The following MPDZ variants were observed in gnomAD, a reference collection of about 807,000 sequenced individuals.
MPDZ encodes the protein multiple PDZ domain crumbs cell polarity complex component, also known as multiple PDZ domain protein.
In MPDZ, 234 loss-of-function variants were observed where a neutral mutation model predicts 239.1. That is an observed-to-expected ratio of 0.98 (90% CI 0.88 to 1.09). The LOEUF (loss-of-function observed/expected upper bound fraction) is 1.09. MPDZ is among the 50% of genes least tolerant of loss of function. The pLI is 0.00. For synonymous variants in MPDZ, 1,048 were observed against 881.3 expected (o/e 1.19, Z -3.35); for missense variants, 3,175 against 2,510.0 (o/e 1.26, Z -5.66).
At chr9:13,192,061 T>G (rs1406741157) in intron 15 of MPDZ, 70 bp downstream of exon 15, 1 of 1,302,374 alleles carries the variant, frequency 7.7e-7, no homozygotes, top group African/African-American at 1.5e-5. Context: ...GAAAAATGCT[T>G]AAAAAATTTT....
At chr9:13,193,424 G>C in intron 13 of MPDZ, 111 bp from the exon 14 acceptor site, 1 of 1,223,928 alleles carries the variant, frequency 8.2e-7, no homozygotes, top group African/African-American at 1.5e-5. Context: ...TTCTCACAAA[G>C]CTTCAAAAAC....
intron 3 of MPDZ, among the ~76,000 whole-genome samples, chr9:13,228,783 A>G (rs1352121607): frequency 6.6e-6 from 1 of 152,168 alleles, no homozygotes; most frequent in Non-Finnish European, 1.5e-5. Context: ...TCACCTATAT[A>G]GTTTATCAAA....
At chr9:13,138,342 G>C (rs1947147574) in intron 28 of MPDZ, among the ~76,000 whole-genome samples, 189 bp from the exon 29 acceptor site, 2 of 152,158 alleles carry the variant, frequency 1.3e-5, no homozygotes, top group Admixed American at 6.5e-5. Context: ...CCCAAACTTT[G>C]AGGAATTTCT....
Position 13,219,595 on chromosome 9 carries a change from G to T in MPDZ, c.1050C>A (p.Thr350=), listed in dbSNP as rs376310061. 3.7e-6 allele frequency: 6 copies of T among 1,612,200 alleles called. No individual in the cohort carries two copies. Among genetic ancestry groups the T allele is most frequent in the Non-Finnish European group, 5.1e-6 (6 of 1,179,000 alleles). The change falls in exon 8 of 47, where the codon ACC becomes ACA. Residue 350 remains threonine, a synonymous_variant. Coordinates refer to ENST00000319217, the MANE Select transcript of MPDZ (RefSeq NM_001378778.1). ...ERTAPTALGI[T]LSSSPTSTPE... is the part of the protein sequence containing the mutation. The stretch of plus-strand genomic sequence containing the variant: ...GTGTTGAAGTTGGGGATGAGGAGAG[G>T]GTGATGCCCAAAGCAGTGGGTGCTG...
At chr9:13,224,621 T>C in intron 3 of MPDZ, 38 bp from the exon 4 acceptor site, 5 of 1,347,974 alleles carry the variant, frequency 3.7e-6, no homozygotes, top group Non-Finnish European at 5.2e-6. Context: ...ATTTTGACAT[T>C]CCATAAACTA....
chr9:13,214,568 G>T (rs570135857), intron 10 of MPDZ, among the ~76,000 whole-genome samples: 1 of 152,074 alleles, frequency 6.6e-6, no homozygotes, highest in East Asian at 1.9e-4. Flanking sequence ...GAATTGTATG[G>T]TATGTGAATT....
intron 32 of MPDZ, among the ~76,000 whole-genome samples, chr9:13,129,140 A>C (rs757814253): frequency 2.0e-5 from 3 of 152,204 alleles, no homozygotes; most frequent in Admixed American, 6.5e-5. Context: ...AACTATATAC[A>C]CATCAACAAA....
At chr9:13,242,661 T>A (rs1464264067) in intron 3 of MPDZ, among the ~76,000 whole-genome samples, 3 of 151,390 alleles carry the variant, frequency 2.0e-5, no homozygotes, top group Non-Finnish European at 4.4e-5. Context: ...AAATAAAACA[T>A]CTTACTTAAA....
Position 13,275,119 on chromosome 9 carries a change from G to C in MPDZ, c.-58+4281C>G, listed in dbSNP as rs192600407. On this transcript the variant is annotated intron_variant, in intron 1 of 46. Transcript: ENST00000319217. Reference sequence around the variant, plus strand: ...CAGACTATGCACTAGCCTCCAATACGAGCTCACTGCCTCAGAGTCTCACTA... The same window carrying C: ...CAGACTATGCACTAGCCTCCAATACCAGCTCACTGCCTCAGAGTCTCACTA... Among the ~76,000 whole-genome samples the C allele has an allele frequency of 3.9e-4, 60 of 152,212 alleles. No homozygotes were observed. The Middle Eastern group carries it at 0.01, about 26-fold the overall frequency.
chr9:13,147,747 A>C lies in MPDZ; in HGVS notation c.3631-89T>G. 7.8e-6 allele frequency: 7 copies of C among 901,174 alleles called. 1 individual carries two copies. The Admixed American group carries it at 1.4e-4, about 18-fold the overall frequency. The allele number at this position is 901,174 out of a possible 1,614,324, so 55.8% of individuals were successfully genotyped here. ...TATGGAGTTTTAGGGATACTTGGTT[A>C]GACTCCTAGAAAATCTGTTTTAATA... On this transcript the variant is annotated intron_variant, in intron 25 of 46. Transcript: ENST00000319217.
Position 13,248,472 on chromosome 9 carries a change from C to T in MPDZ, c.17-671G>A, listed in dbSNP as rs571767755. On this transcript the variant is annotated intron_variant, in intron 2 of 46. Transcript: ENST00000319217. ...ATGTCCTACTAGTCCTAGTGTCTTA[C>T]AAGCATACTTACGCCAGACAGTTTC... 5.3e-5 allele frequency among the ~76,000 whole-genome samples: 8 copies of T among 152,130 alleles called. No homozygotes were observed. The East Asian group carries it at 1.6e-3, about 30-fold the overall frequency.
intron 1 of MPDZ, among the ~76,000 whole-genome samples, chr9:13,270,101 G>C (rs1026756541): frequency 6.6e-6 from 1 of 152,084 alleles, no homozygotes; most frequent in African/African-American, 2.4e-5. Flanking sequence ...GTGACTATTT[G>C]CTTCTTAATT....
intron 43 of MPDZ, among the ~76,000 whole-genome samples, chr9:13,111,696 T>C (rs1034728013): frequency 2.0e-5 from 3 of 152,174 alleles, no homozygotes; most frequent in African/African-American, 7.2e-5. Flanking sequence ...ACCAATCAAA[T>C]ATATAAGATA....
intron 17 of MPDZ, among the ~76,000 whole-genome samples, chr9:13,188,323 G>A (rs1350635995): frequency 6.6e-6 from 1 of 152,046 alleles, no homozygotes; most frequent in East Asian, 1.9e-4. Context: ...TTCGAGACCA[G>A]CCTGGCCAAC....
At chr9:13,122,003 G>C (rs753793554) in intron 37 of MPDZ, 71 bp from the exon 38 acceptor site, 3 of 1,597,512 alleles carry the variant, frequency 1.9e-6, no homozygotes, top group Non-Finnish European at 2.6e-6. Flanking sequence ...GAAGGGAAGA[G>C]AGAGAAAGAA....
chr9:13,241,999 G>C (rs1965520655), intron 3 of MPDZ, among the ~76,000 whole-genome samples: 1 of 151,862 alleles, frequency 6.6e-6, no homozygotes, highest in Non-Finnish European at 1.5e-5. Flanking sequence ...CCTGTTTTGA[G>C]CATCAGAAAA....
chr9:13,225,162 T>C (rs930529239), intron 3 of MPDZ, among the ~76,000 whole-genome samples: 1 of 152,080 alleles, frequency 6.6e-6, no homozygotes, highest in Non-Finnish European at 1.5e-5. Flanking sequence ...GTGTTTGTGC[T>C]TTAAGCTAAG....
intron 3 of MPDZ, among the ~76,000 whole-genome samples, chr9:13,234,316 T>C (rs1308461845): frequency 1.3e-5 from 2 of 152,106 alleles, no homozygotes; most frequent in Non-Finnish European, 2.9e-5. Context: ...CATTAAAATA[T>C]CACTTCTTAT....
At chr9:13,274,050 C>G (rs1337123971) in intron 1 of MPDZ, among the ~76,000 whole-genome samples, 2 of 152,102 alleles carry the variant, frequency 1.3e-5, no homozygotes, top group African/African-American at 2.4e-5. Context: ...ACTTAAATAT[C>G]TTCATTTTCA....
Sources: allele counts gnomAD v4.1 joint callset (sites outside exome capture counted in the v4.1 genomes callset), GRCh38; gene constraint gnomAD v4.1.1; transcripts MANE v1.5; gene names NCBI Gene and HGNC (gene_info 2026-07-23, HGNC 2026-07-21).